Variants in DNAJC6 observed in about 807,000 individuals in gnomAD.
DNAJC6 encodes auxilin.
A neutral mutation model predicts 110.0 loss-of-function variants in DNAJC6; 34 were observed. The observed-to-expected ratio is 0.31, with a 90% confidence interval of 0.24 to 0.41. The LOEUF (loss-of-function observed/expected upper bound fraction) is 0.41, where lower values mean the gene tolerates loss of function less well. Among genes scored for constraint, DNAJC6 ranks in the 10% least tolerant of loss-of-function variants. The pLI is 1.00. For missense variants in DNAJC6, 1,031 were observed against 1,207.8 expected, an observed-to-expected ratio of 0.85 and a Z score of 2.17; for synonymous variants, 406 against 437.2, an observed-to-expected ratio of 0.93 and a Z score of 0.89.
chr1:65,406,193 T>G, intron 16 of DNAJC6, 60 bp downstream of exon 16: 1 of 1,550,184 alleles, frequency 6.5e-7, no homozygotes. Flanking sequence ...TCATACTGCC[T>G]GAATGTGTCT....
In DNAJC6 at chr1:65,343,808, T is replaced by C. The variant is rs150840936; in HGVS notation, c.194-20827T>C. 4.3e-4 allele frequency among the ~76,000 whole-genome samples: 65 copies of C among 152,280 alleles called. 1 individual carries two copies. The highest frequency in any genetic ancestry group is 1.6e-3 in the African/African-American group (65 of 41,564). ...CTATGGTAAGAGTGAATCTTTTATCTGTGAAATTGTGAAGAAGGAAAAAGG... is the reference window on the plus strand; with the variant it reads ...CTATGGTAAGAGTGAATCTTTTATCCGTGAAATTGTGAAGAAGGAAAAAGG... On this transcript the variant is annotated intron_variant, in intron 1 of 18. Coordinates refer to ENST00000371069, the MANE Select transcript of DNAJC6 (RefSeq NM_001256864.2).
In DNAJC6 at chr1:65,402,987, G is replaced by T. The variant is rs906987534; in HGVS notation, c.2227+1107G>T. ...ATTGATTCATCCAACAAGTATTTAA[G>T]GCACTTTTGTGCCTTCTAGGTGCTA... is the stretch of plus-strand genomic sequence containing the variant. On this transcript the variant is annotated intron_variant, in intron 15 of 18. Transcript: ENST00000371069. 2.0e-5 allele frequency among the ~76,000 whole-genome samples: 3 copies of T among 151,576 alleles called. 1 individual carries two copies. Among genetic ancestry groups the T allele is most frequent in the Admixed American group, 2.0e-4 (3 of 15,236 alleles).
rs542232103 is a variant in DNAJC6, at chr1:65,389,153, C to A, written c.1194-103C>A. 3.7e-6 allele frequency: 4 copies of A among 1,087,306 alleles called. No homozygotes were observed. The South Asian group carries it at 4.9e-5, about 13-fold the overall frequency. 67.4% of individuals were successfully genotyped at this position (1,087,306 alleles called of 1,614,324 possible). On this transcript the variant is annotated intron_variant, in intron 9 of 18. Transcript: ENST00000371069. ...GACTGAGTCTTTTTTAGAAATGAGA[C>A]TTAGATTTAACCTAAGAGTCAACCT...
At chr1:65,331,959 C>G (rs997852926) in intron 1 of DNAJC6, among the ~76,000 whole-genome samples, 1 of 152,132 alleles carries the variant, frequency 6.6e-6, no homozygotes, top group African/African-American at 2.4e-5. Context: ...CTTCATTCTC[C>G]TGCTGCCACA....
intron 14 of DNAJC6, 112 bp downstream of exon 14, chr1:65,398,993 C>A: frequency 9.3e-7 from 1 of 1,071,238 alleles, no homozygotes; most frequent in South Asian, 1.4e-5. Flanking sequence ...TAATTTGTGT[C>A]ACTTTTTCCT....
rs770354319 is a variant in DNAJC6 at position 65,408,625 on chromosome 1, A to C, written c.2492-16A>C. The C allele has an allele frequency of 6.3e-7, 1 of 1,599,332 alleles. No homozygotes were observed. Among genetic ancestry groups the C allele is most frequent in the Admixed American group, 1.8e-5 (1 of 55,082 alleles). ...AAGAATGAAAACTGTAATGATTTTC[A>C]AAAATTATATTGCAGAAGGGAAACA... is the stretch of plus-strand genomic sequence containing the variant. On this transcript the variant is annotated splice_polypyrimidine_tract_variant and intron_variant, in intron 16 of 18. Transcript: ENST00000371069.
At chr1:65,287,943 G>C (rs958692111) in intron 1 of DNAJC6, among the ~76,000 whole-genome samples, 9 of 152,284 alleles carry the variant, frequency 5.9e-5, no homozygotes, top group Non-Finnish European at 1.0e-4. Context: ...CCCATGAAGT[G>C]CTGGGAAGAA....
Position 65,392,676 on chromosome 1 carries a change from G to A in DNAJC6, c.1714G>A (p.Ala572Thr), listed in dbSNP as rs779769165. The change falls in exon 12 of 19, where the codon GCG becomes ACG. Residue 572 changes from alanine to threonine, a missense_variant. Physicochemically the swap from Ala to Thr is moderately conservative, Grantham distance 58 (BLOSUM62 0). Coordinates refer to ENST00000371069, the MANE Select transcript of DNAJC6 (RefSeq NM_001256864.2). ...AATGAGTAACAGCTTCTCTCCGCCA[G>A]CGGCTCCTCCCACCAATTCTGAACT... is the stretch of plus-strand genomic sequence containing the variant. Reference protein sequence around the residue: ...SAMSNSFSPPAAPPTNSELLS... With the variant: ...SAMSNSFSPPTAPPTNSELLS... The A allele has an allele frequency of 9.9e-6, 16 of 1,612,782 alleles. No homozygotes were observed. Among genetic ancestry groups the A allele is most frequent in the African/African-American group, 2.7e-5 (2 of 74,920 alleles).
intron 1 of DNAJC6, among the ~76,000 whole-genome samples, chr1:65,357,732 C>G (rs1275828654): frequency 6.6e-6 from 1 of 152,218 alleles, no homozygotes; most frequent in Non-Finnish European, 1.5e-5. Flanking sequence ...TTGCCTGCCT[C>G]TCCCAGGCCA....
At chr1:65,370,096 A>T (rs1645691393) in intron 4 of DNAJC6, among the ~76,000 whole-genome samples, 1 of 152,078 alleles carries the variant, frequency 6.6e-6, no homozygotes, top group African/African-American at 2.4e-5. Flanking sequence ...ACCTTGAGGA[A>T]ATAAGAGTAC....
Position 65,264,935 on chromosome 1 carries a change from A to G in DNAJC6, c.-131+3A>G, listed in dbSNP as rs748194037. 2 of 1,613,268 alleles carry G rather than the reference A, an allele frequency of 1.2e-6. No individual in the cohort carries two copies. Among genetic ancestry groups the G allele is most frequent in the South Asian group, 2.2e-5 (2 of 90,796 alleles). On this transcript the variant is annotated splice_donor_region_variant and intron_variant, in intron 1 of 19. Transcript: ENST00000263441. Reference sequence around the variant, plus strand: ...AATGAAAGATTCTGAAAATAAAGGTAAGGGGCGGACTGCAGAAAGATGGCT... The same window carrying G: ...AATGAAAGATTCTGAAAATAAAGGTGAGGGGCGGACTGCAGAAAGATGGCT...
At chr1:65,359,292 A>C (rs1186929871) in intron 1 of DNAJC6, among the ~76,000 whole-genome samples, 1 of 152,226 alleles carries the variant, frequency 6.6e-6, no homozygotes, top group Admixed American at 6.5e-5. Context: ...GACAGCAAGG[A>C]CTGGTCAGGT....
chr1:65,374,996 A>C (rs1342570834), intron 4 of DNAJC6, among the ~76,000 whole-genome samples: 2 of 144,270 alleles, frequency 1.4e-5, no homozygotes, highest in Non-Finnish European at 3.0e-5. Context: ...TTTGAGACGG[A>C]GTTTTGCTGT....
At position 65,346,789 on chromosome 1, in the gene DNAJC6, A is replaced by T. The variant is rs1645440926; in HGVS notation, c.194-17846A>T. Among the ~76,000 whole-genome samples the T allele has an allele frequency of 2.0e-5, 3 of 152,128 alleles. No individual in the cohort carries two copies. The South Asian group carries it at 6.2e-4, about 32-fold the overall frequency. On this transcript the variant is annotated intron_variant, in intron 1 of 18. Transcript: ENST00000371069. ...TCTTAACCTTTGCTTGCTCTCCAAC[A>T]TTATTTTGTACTAAATAATGGACTA...
intron 1 of DNAJC6, among the ~76,000 whole-genome samples, chr1:65,273,326 T>A (rs762615823): frequency 1.3e-5 from 2 of 152,280 alleles, no homozygotes; most frequent in African/African-American, 2.4e-5. Context: ...CGGCCAGGCG[T>A]GGTGGCTCAC....
chr1:65,277,002 A>G (rs1053315517), intron 1 of DNAJC6, among the ~76,000 whole-genome samples: 2 of 152,144 alleles, frequency 1.3e-5, no homozygotes, highest in Non-Finnish European at 2.9e-5. Flanking sequence ...CTGGTTCCTC[A>G]AATCGTGGCT....
At chr1:65,308,580 T>C (rs1301847722), upstream of DNAJC6, among the ~76,000 whole-genome samples, 2 of 152,196 alleles carry the variant, frequency 1.3e-5, no homozygotes, top group Admixed American at 1.3e-4. Context: ...AGATACAAAA[T>C]TAGGTACACA....
At chr1:65,273,893 A>G (rs1653583924) in intron 1 of DNAJC6, among the ~76,000 whole-genome samples, 1 of 152,032 alleles carries the variant, frequency 6.6e-6, no homozygotes, top group African/African-American at 2.4e-5. Flanking sequence ...TCATATGATC[A>G]ATTTTTATAT....
rs560284571 is a variant in DNAJC6, at chr1:65,301,700, C to A, written c.-131+36768C>A. Reference sequence around the variant, plus strand: ...CCTCCAGGAACCTCCACTTAGCTATCTGGAAGGTCCCCAAACCCTGTCCTC... The same window carrying A: ...CCTCCAGGAACCTCCACTTAGCTATATGGAAGGTCCCCAAACCCTGTCCTC... On this transcript the variant is annotated intron_variant, in intron 1 of 19. Transcript: ENST00000263441. Among the ~76,000 whole-genome samples the A allele has an allele frequency of 2.0e-5, 3 of 152,278 alleles. No individual in the cohort carries two copies. In the East Asian group the frequency reaches 5.8e-4, roughly 29 times the overall value.
Sources: allele counts gnomAD v4.1 joint callset (sites outside exome capture counted in the v4.1 genomes callset), GRCh38; gene constraint gnomAD v4.1.1; transcripts MANE v1.5; gene names NCBI Gene and HGNC (gene_info 2026-07-23, HGNC 2026-07-21).